Variants in TMPRSS11F observed in about 807,000 individuals in gnomAD.
TMPRSS11F encodes transmembrane protease serine 11F.
In TMPRSS11F, 47 loss-of-function variants were observed where a neutral mutation model predicts 60.2. The observed-to-expected ratio is 0.78, with a 90% CI of 0.62 to 1.00. The LOEUF is 1.00. Ranked by LOEUF, TMPRSS11F falls within the 50% of genes least tolerant of loss-of-function variation. The probability of loss-of-function intolerance (pLI) is 0.00; values close to 1 mark genes in which losing one functional copy is unlikely to be tolerated. For synonymous variants in TMPRSS11F, 166 were observed against 167.3 expected, an observed-to-expected ratio of 0.99 and a Z score of 0.06; for missense variants, 519 against 522.9, an observed-to-expected ratio of 0.99 and a Z score of 0.07.
chr4:68,059,356 T>G lies in TMPRSS11F; in HGVS notation c.1128A>C (p.Gly376=). The change falls in exon 9 of 10, where the codon GGA becomes GGC. Residue 376 remains glycine, a synonymous_variant. Transcript: ENST00000356291. ...ATGCATCTATTTTTCCTTCCATGAA[T>G]CCAGCACATAACATTCCTGGAGTTA... ...GLITPGMLCA[G]FMEGKIDACK... is the part of the protein sequence containing the mutation. 6.2e-7 allele frequency: 1 copy of G among 1,613,922 alleles called. No homozygotes were observed. Among genetic ancestry groups the G allele is most frequent in the Non-Finnish European group, 8.5e-7 (1 of 1,179,954 alleles).
chr4:68,093,308 G>T (rs1246412705), intron 2 of TMPRSS11F, among the ~76,000 whole-genome samples: 1 of 152,140 alleles, frequency 6.6e-6, no homozygotes. Flanking sequence ...GTTTGCTGAA[G>T]ATCACCTAAA....
chr4:68,094,584 A>C (rs896252468), intron 2 of TMPRSS11F, among the ~76,000 whole-genome samples: 2 of 151,030 alleles, frequency 1.3e-5, no homozygotes, highest in Non-Finnish European at 3.0e-5. Context: ...ATAAATAAAT[A>C]AATAAATAAA....
chr4:68,082,856 TG>T (rs1723735229), intron 3 of TMPRSS11F, among the ~76,000 whole-genome samples: 1 of 152,002 alleles, frequency 6.6e-6, no homozygotes, highest in African/African-American at 2.4e-5. Context: ...CCAGAAAGAG[TG>T]TGGCCTGTCT....
chr4:68,114,204 G>A (rs910801004), intron 1 of TMPRSS11F, among the ~76,000 whole-genome samples: 1 of 151,256 alleles, frequency 6.6e-6, no homozygotes, highest in Non-Finnish European at 1.5e-5. Context: ...TAAGACACTG[G>A]GAAAAAGCAG....
Position 68,064,715 on chromosome 4 carries a change from C to T in TMPRSS11F, c.985G>A (p.Val329Ile), listed in dbSNP as rs568482536. The T allele has an allele frequency of 3.7e-5, 60 of 1,613,944 alleles. No homozygotes were observed. Among genetic ancestry groups the T allele is most frequent in the African/African-American group, 5.3e-5 (4 of 74,912 alleles). Residue 329 changes from valine (V) to isoleucine (I), a missense_variant, in exon 8 of 10, where the codon GTC becomes ATC. Coordinates refer to ENST00000356291, the MANE Select transcript of TMPRSS11F (RefSeq NM_207407.2). Reference protein sequence around the residue: ...IKLPPKTSVFVTGFGSIVDDG... With the variant: ...IKLPPKTSVFITGFGSIVDDG... ...TCTACAATGGATCCAAATCCTGTGACGAACACACTTGTTTTAGGTGGCAAC... is the reference window on the plus strand; with the variant it reads ...TCTACAATGGATCCAAATCCTGTGATGAACACACTTGTTTTAGGTGGCAAC...
chr4:68,106,521 T>C (rs1351308938), intron 1 of TMPRSS11F, among the ~76,000 whole-genome samples: 1 of 152,094 alleles, frequency 6.6e-6, no homozygotes, highest in Non-Finnish European at 1.5e-5. Flanking sequence ...AAAAGGCATA[T>C]GAGGGGATAT....
intron 6 of TMPRSS11F, 85 bp downstream of exon 6, chr4:68,069,884 T>C: frequency 4.3e-6 from 5 of 1,151,964 alleles, no homozygotes; most frequent in South Asian, 3.4e-5. Flanking sequence ...AAAAGCTTGG[T>C]AAACTTTACT....
rs10638436 is a variant in TMPRSS11F at position 68,066,116 on chromosome 4, C to CA, written c.756-1173dup. On this transcript the variant is annotated intron_variant, in intron 7 of 9. Transcript: ENST00000356291. ...CCTGGGTGACAGAGCAAGACTGTCTCAAAAAAAAAAAAAAAAAGAGCAGGG... is the reference window on the plus strand; with the variant it reads ...CCTGGGTGACAGAGCAAGACTGTCTCAAAAAAAAAAAAAAAAAAGAGCAGGG... 8.9e-3 allele frequency among the ~76,000 whole-genome samples: 994 copies of CA among 111,532 alleles called. 31 individuals are homozygous for CA. Among genetic ancestry groups the CA allele is most frequent in the Middle Eastern group, 0.051 (10 of 196 alleles). 73.2% of individuals were successfully genotyped at this position (111,532 alleles called of 152,430 possible).
intron 1 of TMPRSS11F, among the ~76,000 whole-genome samples, chr4:68,111,234 G>A (rs555709466): frequency 1.3e-5 from 2 of 152,106 alleles, no homozygotes; most frequent in Admixed American, 1.3e-4. Context: ...ACCCATCTCA[G>A]TTTTATATTT....
chr4:68,061,094 C>G (rs888195387), intron 8 of TMPRSS11F, among the ~76,000 whole-genome samples: 1 of 151,756 alleles, frequency 6.6e-6, no homozygotes, highest in Non-Finnish European at 1.5e-5. Context: ...TAAAATGATA[C>G]ATTAGGTAAG....
intron 1 of TMPRSS11F, among the ~76,000 whole-genome samples, chr4:68,112,803 C>T (rs1363074891): frequency 1.3e-5 from 2 of 151,988 alleles, no homozygotes; most frequent in Non-Finnish European, 2.9e-5. Context: ...ATTTAATATT[C>T]TTTTATGCTA....
chr4:68,068,545 T>C, intron 7 of TMPRSS11F, 73 bp downstream of exon 7: 1 of 1,319,360 alleles, frequency 7.6e-7, no homozygotes, highest in Non-Finnish European at 1.1e-6. Flanking sequence ...GAGACTGGAC[T>C]CTTCTGATGC....
At chr4:68,098,240 G>A (rs1193892831) in intron 2 of TMPRSS11F, among the ~76,000 whole-genome samples, 3 of 152,092 alleles carry the variant, frequency 2.0e-5, no homozygotes, top group African/African-American at 7.2e-5. Flanking sequence ...GGGAAGTGGA[G>A]GTTGCAATGA....
chr4:68,060,785 G>C (rs936471822), intron 8 of TMPRSS11F, among the ~76,000 whole-genome samples: 1 of 151,568 alleles, frequency 6.6e-6, no homozygotes, highest in African/African-American at 2.4e-5. Context: ...TGAATGCATA[G>C]AGCTGCTTTT....
intron 1 of TMPRSS11F, among the ~76,000 whole-genome samples, chr4:68,121,116 G>A (rs1195894461): frequency 6.6e-6 from 1 of 152,158 alleles, no homozygotes; most frequent in African/African-American, 2.4e-5. Context: ...CACCCAGTTG[G>A]CTGGATCCAT....
chr4:68,116,278 G>A (rs190420078), intron 1 of TMPRSS11F, among the ~76,000 whole-genome samples: 7 of 152,222 alleles, frequency 4.6e-5, no homozygotes, highest in Admixed American at 2.0e-4. Context: ...TTGGTGTTGG[G>A]AATGCAAAAT....
intron 1 of TMPRSS11F, among the ~76,000 whole-genome samples, chr4:68,110,946 C>A (rs1724399217): frequency 6.6e-6 from 1 of 152,108 alleles, no homozygotes; most frequent in African/African-American, 2.4e-5. Context: ...GACAGTACAA[C>A]TCTTTAACCA....
intron 8 of TMPRSS11F, chr4:68,063,309 T>G: frequency 3.8e-6 from 2 of 522,594 alleles, no homozygotes; most frequent in South Asian, 3.0e-5. Context: ...TGGCGGAAAC[T>G]TAAGTATTTC....
At chr4:68,087,490 A>G (rs1182079110) in intron 3 of TMPRSS11F, among the ~76,000 whole-genome samples, 3 of 152,154 alleles carry the variant, frequency 2.0e-5, no homozygotes, top group African/African-American at 7.2e-5. Flanking sequence ...TATTCAACAT[A>G]GTACTAGAAG....
Sources: allele counts gnomAD v4.1 joint callset (sites outside exome capture counted in the v4.1 genomes callset), GRCh38; gene constraint gnomAD v4.1.1; transcripts MANE v1.5; gene names NCBI Gene and HGNC (gene_info 2026-07-23, HGNC 2026-07-21).